RASEF: variants seen among roughly 807,000 people sequenced by gnomAD.
RASEF encodes the protein RAS and EF-hand domain containing.
A neutral mutation model predicts 90.1 loss-of-function variants in RASEF; 68 were observed. That is an observed-to-expected ratio of 0.75 (90% CI 0.62 to 0.92). The LOEUF (loss-of-function observed/expected upper bound fraction) is 0.92. Ranked by LOEUF, RASEF falls within the 40% of genes least tolerant of loss-of-function variation. The pLI is 0.00. For missense variants in RASEF, 949 were observed against 937.2 expected, an observed-to-expected ratio of 1.01 and a Z score of -0.16; for synonymous variants, 331 against 345.2, an observed-to-expected ratio of 0.96 and a Z score of 0.46.
At chr9:83,046,054 A>AT (rs1410687510) in intron 1 of RASEF, among the ~76,000 whole-genome samples, 2 of 151,178 alleles carry the variant, frequency 1.3e-5, no homozygotes, top group African/African-American at 4.9e-5. Flanking sequence ...GCAAAATCCT[A>AT]TATTTTCATG....
Position 83,062,482 on chromosome 9 carries a change from T to C in RASEF, c.386A>G (p.Gln129Arg). 3 of 1,612,552 alleles carry C rather than the reference T, an allele frequency of 1.9e-6. No homozygotes were observed. The highest frequency in any genetic ancestry group is 2.5e-6 in the Non-Finnish European group (3 of 1,179,624). ...GTCCCCAAGTCGCGCCTGGAAATCC[T>C]GCCAAGCCCGGCCGGGACTCGCCGG... ...CGPASPGRAW[Q>R]DFQARLGDEA... is the part of the protein sequence containing the mutation. The change falls in exon 1 of 17, where the codon CAG becomes CGG. Residue 129 changes from glutamine to arginine, a missense_variant. Physicochemically the swap from Gln to Arg is conservative, Grantham distance 43. Around this residue, in one of 3 missense-constraint regions of RASEF, gnomAD observed 656 missense variants for 592.2 expected, o/e 1.11. Transcript: ENST00000376447.
chr9:83,117,056 AAG>A, the RASEF span, among the ~76,000 whole-genome samples: 1 of 152,226 alleles, frequency 6.6e-6, no homozygotes, highest in East Asian at 1.9e-4. Flanking sequence ...AATTATAAGG[AAG>A]AGAGTCGATT....
the RASEF span, among the ~76,000 whole-genome samples, chr9:83,091,949 T>G: frequency 1.3e-5 from 2 of 151,656 alleles, no homozygotes; most frequent in Non-Finnish European, 2.9e-5. Flanking sequence ...CAAAGCTCAC[T>G]GTTCTTACTA....
chr9:83,141,901 T>C, the RASEF span, among the ~76,000 whole-genome samples: 1 of 152,326 alleles, frequency 6.6e-6, no homozygotes, highest in East Asian at 1.9e-4. Flanking sequence ...TTTGGGATGA[T>C]GGAAAATTTC....
rs60689330 is a variant in RASEF at position 82,982,805 on chromosome 9, C to CAG, written c.2118-25_2118-24dup. 5.7e-3 allele frequency: 5,225 copies of CAG among 915,706 alleles called. 8 individuals carry two copies. The highest frequency in any genetic ancestry group is 0.016 in the African/African-American group (940 of 57,134). The allele number at this position is 915,706 out of a possible 1,614,324, so 56.7% of individuals were successfully genotyped here. On this transcript the variant is annotated intron_variant, in intron 16 of 16. Coordinates refer to ENST00000376447, the MANE Select transcript of RASEF (RefSeq NM_152573.4). Reference sequence around the variant, plus strand: ...TCTCTGAGACAGAGATAGAGAGAGACAGAGAGAGAGAGAGAGAGAGAGAGA... The same window carrying CAG: ...TCTCTGAGACAGAGATAGAGAGAGACAGAGAGAGAGAGAGAGAGAGAGAGAGA...
chr9:83,158,549 C>T, the RASEF span, among the ~76,000 whole-genome samples: 1 of 149,140 alleles, frequency 6.7e-6, no homozygotes, highest in South Asian at 2.1e-4. Flanking sequence ...CACACATACA[C>T]ACACACATAT....
At chr9:83,003,233 C>G (rs899245864) in intron 9 of RASEF, among the ~76,000 whole-genome samples, 2 of 152,124 alleles carry the variant, frequency 1.3e-5, no homozygotes, top group Non-Finnish European at 2.9e-5. Context: ...CCCACACACA[C>G]CCAGAAGGGG....
At chr9:83,123,883 G>T in the RASEF span, among the ~76,000 whole-genome samples, 9 of 133,670 alleles carry the variant, frequency 6.7e-5, no homozygotes, top group Non-Finnish European at 1.2e-4. Context: ...TCACACTGTT[G>T]TGCAGCTATC....
At chr9:83,138,717 G>T in the RASEF span, among the ~76,000 whole-genome samples, 1 of 152,034 alleles carries the variant, frequency 6.6e-6, no homozygotes, top group Non-Finnish European at 1.5e-5. Context: ...GTAGAGCTTT[G>T]AGACCTCTTG....
At chr9:83,029,425 C>T (rs1829603921) in intron 1 of RASEF, among the ~76,000 whole-genome samples, 1 of 148,654 alleles carries the variant, frequency 6.7e-6, no homozygotes, top group Non-Finnish European at 1.5e-5. Flanking sequence ...CTGAGTCTCG[C>T]TCTGTCACCC....
chr9:82,994,155 A>G (rs1828863876), intron 14 of RASEF, among the ~76,000 whole-genome samples: 1 of 113,426 alleles, frequency 8.8e-6, no homozygotes, highest in Non-Finnish European at 2.0e-5. Context: ...CTTTCCTTGG[A>G]CTGAAGGCTC....
rs868419602 is a variant in RASEF, at chr9:83,062,687, C to T, written c.181G>A (p.Ala61Thr). The change falls in exon 1 of 17, where the codon GCC (alanine) becomes ACC (threonine). Residue 61 changes from alanine to threonine, a missense_variant. Coordinates refer to ENST00000376447, the MANE Select transcript of RASEF (RefSeq NM_152573.4). ...CGCGCGAACTCCTGGAAGGTGATGGCGCCGTCACGGTCGGCGTCCAGCCGC... is the reference window on the plus strand; with the variant it reads ...CGCGCGAACTCCTGGAAGGTGATGGTGCCGTCACGGTCGGCGTCCAGCCGC... ...FQRLDADRDG[A>T]ITFQEFARGF... The T allele has an allele frequency of 1.3e-6, 2 of 1,574,732 alleles. No individual in the cohort carries two copies. The highest frequency in any genetic ancestry group is 8.6e-7 in the Non-Finnish European group (1 of 1,168,988).
chr9:83,125,788 C>T, the RASEF span, among the ~76,000 whole-genome samples: 1 of 152,326 alleles, frequency 6.6e-6, no homozygotes, highest in East Asian at 1.9e-4. Context: ...GCAGACGGTA[C>T]ATTTTCCACT....
At chr9:83,020,471 G>T (rs538174797) in intron 3 of RASEF, among the ~76,000 whole-genome samples, 2 of 152,146 alleles carry the variant, frequency 1.3e-5, no homozygotes, top group Non-Finnish European at 2.9e-5. Context: ...GGTGTGAGGC[G>T]GACACTAGGA....
the RASEF span, among the ~76,000 whole-genome samples, chr9:83,101,088 T>C: frequency 1.3e-5 from 2 of 152,208 alleles, no homozygotes; most frequent in Non-Finnish European, 1.5e-5. Flanking sequence ...TAGGAGATTC[T>C]GTCCCCCTTT....
At chr9:82,995,093 C>T (rs1478247751) in intron 14 of RASEF, among the ~76,000 whole-genome samples, 2 of 152,206 alleles carry the variant, frequency 1.3e-5, no homozygotes, top group Admixed American at 1.3e-4. Context: ...GAATTCATCT[C>T]TTCTATAGTT....
the RASEF span, among the ~76,000 whole-genome samples, chr9:83,173,495 T>A: frequency 6.6e-5 from 10 of 151,766 alleles, no homozygotes. Flanking sequence ...AATTCCTTTC[T>A]TCTGCTTGAT....
chr9:83,091,063 T>C, the RASEF span, among the ~76,000 whole-genome samples: 1 of 152,220 alleles, frequency 6.6e-6, no homozygotes, highest in African/African-American at 2.4e-5. Flanking sequence ...GTATGTATTG[T>C]GACATGCTTT....
At chr9:83,016,439 A>G (rs904387218) in intron 3 of RASEF, among the ~76,000 whole-genome samples, 2 of 150,808 alleles carry the variant, frequency 1.3e-5, no homozygotes, top group African/African-American at 2.4e-5. Context: ...AAGGCACCCC[A>G]GGTCAGGGGA....
Sources: gnomAD v4.1 joint callset for allele counts (sites outside exome capture counted in the v4.1 genomes callset) on GRCh38, gnomAD v4.1.1 for gene constraint, gnomAD v4.1.1 regional missense constraint, MANE v1.5 for transcripts, NCBI Gene and HGNC (gene_info 2026-07-23, HGNC 2026-07-21) for gene names.